The following SPATA6 variants were observed in gnomAD, a reference collection of about 807,000 sequenced individuals.
The protein encoded by SPATA6 is spermatogenesis-associated protein 6.
Under a neutral mutation model 65.3 loss-of-function variants are expected in SPATA6, and 56 were observed. That is an observed-to-expected ratio of 0.86 (90% CI 0.69 to 1.07). The LOEUF is 1.07. SPATA6 is among the 50% of genes least tolerant of loss of function. The pLI is 0.00. For missense variants in SPATA6, 590 were observed against 594.8 expected (o/e 0.99, Z 0.08); for synonymous variants, 199 against 213.2 (o/e 0.93, Z 0.58).
chr1:48,367,662 C>T (rs1260494376), intron 9 of SPATA6, among the ~76,000 whole-genome samples: 1 of 152,256 alleles, frequency 6.6e-6, no homozygotes, highest in African/African-American at 2.4e-5. Flanking sequence ...GATCTTCCTC[C>T]ATCCCTTTAT....
intron 3 of SPATA6, among the ~76,000 whole-genome samples, chr1:48,415,270 G>A (rs1401345435): frequency 2.0e-5 from 3 of 152,196 alleles, no homozygotes; most frequent in Admixed American, 6.5e-5. Flanking sequence ...ATGTGCTCAC[G>A]CAAGTAGTTT....
chr1:48,469,352 T>C (rs991663750), intron 1 of SPATA6, among the ~76,000 whole-genome samples: 17 of 151,960 alleles, frequency 1.1e-4, no homozygotes, highest in African/African-American at 4.1e-4. Flanking sequence ...ATTTAAAAAG[T>C]TGGGGAGAAA....
intron 12 of SPATA6, among the ~76,000 whole-genome samples, chr1:48,302,624 A>G (rs1644967365): frequency 2.0e-5 from 3 of 152,186 alleles, no homozygotes; most frequent in Admixed American, 2.0e-4. Context: ...AAGTTTATCT[A>G]GTTTATAATT....
At chr1:48,447,327 T>G (rs951660293) in intron 3 of SPATA6, among the ~76,000 whole-genome samples, 2 of 152,048 alleles carry the variant, frequency 1.3e-5, no homozygotes, top group African/African-American at 4.8e-5. Flanking sequence ...CAGACAAGAC[T>G]GGGCAACATT....
chr1:48,462,136 T>A (rs982640177), intron 1 of SPATA6, among the ~76,000 whole-genome samples: 49 of 151,930 alleles, frequency 3.2e-4, no homozygotes, highest in African/African-American at 1.2e-3. Context: ...TAGATGGGAA[T>A]TGAACAATGA....
At chr1:48,267,852 T>C in the SPATA6 span, among the ~76,000 whole-genome samples, 11 of 146,660 alleles carry the variant, frequency 7.5e-5, no homozygotes, top group Non-Finnish European at 1.3e-4. Flanking sequence ...CCCGGGTTCA[T>C]GCCATTCTCC....
chr1:48,427,337 G>A (rs1049296868), intron 3 of SPATA6, among the ~76,000 whole-genome samples: 1 of 140,526 alleles, frequency 7.1e-6, no homozygotes, highest in African/African-American at 2.6e-5. Context: ...TAATCAAAAA[G>A]AAACCAAAGA....
chr1:48,323,005 CAG>C (rs1157574536), intron 11 of SPATA6, among the ~76,000 whole-genome samples: 2 of 152,196 alleles, frequency 1.3e-5, no homozygotes, highest in Non-Finnish European at 2.9e-5. Flanking sequence ...CTGTGGAAGA[CAG>C]TGTGCCAATT....
At position 48,303,353 on chromosome 1, in the gene SPATA6, C is replaced by CA. The variant is rs528349919; in HGVS notation, c.1286+2433dup. 5.6e-4 allele frequency among the ~76,000 whole-genome samples: 85 copies of CA among 152,196 alleles called. 1 individual carries two copies. Among genetic ancestry groups the CA allele is most frequent in the Non-Finnish European group, 9.6e-4 (65 of 67,994 alleles). On this transcript the variant is annotated intron_variant, in intron 12 of 12. Transcript: ENST00000371847. ...AACTATGGTCACCCTACTGGGCTAT[C>CA]AAACTCTAGAACTTAACCCTTCTTC...
chr1:48,356,934 A>G (rs1646678554), intron 10 of SPATA6, among the ~76,000 whole-genome samples: 1 of 152,202 alleles, frequency 6.6e-6, no homozygotes, highest in Non-Finnish European at 1.5e-5. Context: ...CTGTATATAT[A>G]AAAGCAAGTT....
the SPATA6 span, among the ~76,000 whole-genome samples, chr1:48,286,203 TA>T: frequency 0.028 from 4,177 of 146,860 alleles, 139 homozygotes; most frequent in African/African-American, 0.083. Context: ...TCTTTTTCTG[TA>T]AAAAAAAAAA....
Position 48,359,721 on chromosome 1 carries a change from C to T in SPATA6, c.959G>A (p.Cys320Tyr), listed in dbSNP as rs1223045494. The change falls in exon 10 of 13, where the codon TGT (cysteine) becomes TAT (tyrosine). Residue 320 changes from cysteine to tyrosine, a missense_variant. Coordinates refer to ENST00000371847, the MANE Select transcript of SPATA6 (RefSeq NM_019073.4). ...GRDFDDSLEK[C>Y]EEYLSPRSCS... ...CGACCTTGGGCTCAAATACTCTTCA[C>T]ATTTTTCTAAAGAGTCATCGAAGTC... is the stretch of plus-strand genomic sequence containing the variant. The T allele has an allele frequency of 6.2e-7, 1 of 1,613,490 alleles. No homozygotes were observed. The highest frequency in any genetic ancestry group is 1.3e-5 in the African/African-American group (1 of 75,014).
At chr1:48,400,881 C>A in intron 6 of SPATA6, 1 of 1,228,782 alleles carries the variant, frequency 8.1e-7, no homozygotes, top group South Asian at 1.4e-5. Context: ...AATTTTTCTA[C>A]CATATCCATT....
chr1:48,448,205 C>T (rs1484039478), intron 3 of SPATA6, among the ~76,000 whole-genome samples: 2 of 148,950 alleles, frequency 1.3e-5, no homozygotes, highest in Admixed American at 6.8e-5. Context: ...AGGCTGCAGT[C>T]GGCCATGTTC....
At chr1:48,363,045 A>C (rs1301801397) in intron 9 of SPATA6, among the ~76,000 whole-genome samples, 1 of 152,180 alleles carries the variant, frequency 6.6e-6, no homozygotes, top group East Asian at 1.9e-4. Flanking sequence ...CGTCAAATAC[A>C]AGTAATGAGA....
chr1:48,415,386 C>T (rs2254088), intron 3 of SPATA6, among the ~76,000 whole-genome samples: 6,891 of 152,130 alleles, frequency 0.045, 490 homozygotes, highest in African/African-American at 0.16. Flanking sequence ...CCCTTCATAG[C>T]CTTTCCCCAT....
At chr1:48,355,797 T>C in intron 10 of SPATA6, 28 bp from the exon 11 acceptor site, 16 of 1,566,026 alleles carry the variant, frequency 1.0e-5, no homozygotes, top group African/African-American at 1.4e-5. Flanking sequence ...GTTTTATTTT[T>C]GTTACTAAAA....
At chr1:48,274,468 T>C in the SPATA6 span, among the ~76,000 whole-genome samples, 1 of 152,166 alleles carries the variant, frequency 6.6e-6, no homozygotes. Context: ...GTTTTTATGG[T>C]TTTAGGTCTT....
At chr1:48,456,373 G>A (rs1385978695) in intron 1 of SPATA6, among the ~76,000 whole-genome samples, 1 of 152,070 alleles carries the variant, frequency 6.6e-6, no homozygotes, top group East Asian at 1.9e-4. Flanking sequence ...AATAATACCA[G>A]ACAATAACAA....
Sources: allele counts gnomAD v4.1 joint callset (sites outside exome capture counted in the v4.1 genomes callset), GRCh38; gene constraint gnomAD v4.1.1; transcripts MANE v1.5; gene names NCBI Gene and HGNC (gene_info 2026-07-23, HGNC 2026-07-21).